The following CNTN4 variants were observed in gnomAD, a reference collection of about 807,000 sequenced individuals.
CNTN4 encodes contactin 4, also known as contactin-4.
Under a neutral mutation model 122.5 loss-of-function variants are expected in CNTN4, and 77 were observed. The observed-to-expected ratio is 0.63, with a 90% CI of 0.52 to 0.76. CNTN4 has a LOEUF of 0.76. CNTN4 is among the 30% of genes least tolerant of loss of function. The pLI is 0.00. For missense variants in CNTN4, 1,256 were observed against 1,259.1 expected (o/e 1.00, Z 0.04); for synonymous variants, 512 against 447.0 (o/e 1.15, Z -1.83).
At chr3:2,502,339 GT>G (rs1489534127) in intron 3 of CNTN4, among the ~76,000 whole-genome samples, 1 of 152,000 alleles carries the variant, frequency 6.6e-6, no homozygotes, top group African/African-American at 2.4e-5. Flanking sequence ...TTAAACCAGG[GT>G]TTTAAAGTTT....
chr3:2,909,378 C>A (rs2094274419), intron 12 of CNTN4, among the ~76,000 whole-genome samples: 1 of 151,780 alleles, frequency 6.6e-6, no homozygotes, highest in Non-Finnish European at 1.5e-5. Flanking sequence ...CACGTGAAAG[C>A]CTTTGCAAAC....
intron 3 of CNTN4, among the ~76,000 whole-genome samples, chr3:2,391,609 A>C (rs543363279): frequency 6.6e-6 from 1 of 152,292 alleles, no homozygotes; most frequent in African/African-American, 2.4e-5. Flanking sequence ...GAAGTATAAT[A>C]AATAAAGGAT....
intron 7 of CNTN4, among the ~76,000 whole-genome samples, chr3:2,854,268 CTTTT>C (rs56147510): frequency 1.4e-4 from 13 of 90,048 alleles, no homozygotes; most frequent in African/African-American, 2.3e-4. Context: ...CTTTCTTCTT[CTTTT>C]TTTTTTTTTT....
At chr3:2,432,256 C>A (rs112685047) in intron 3 of CNTN4, among the ~76,000 whole-genome samples, 1 of 152,162 alleles carries the variant, frequency 6.6e-6, no homozygotes, top group African/African-American at 2.4e-5. Flanking sequence ...CATCACTGTG[C>A]TTATGCATTC....
chr3:3,048,091 C>G (rs1051391136), intron 23 of CNTN4, among the ~76,000 whole-genome samples: 1 of 152,162 alleles, frequency 6.6e-6, no homozygotes, highest in Non-Finnish European at 1.5e-5. Flanking sequence ...ACCTCCTCAA[C>G]TACACCCCAA....
chr3:2,369,068 C>A (rs1030202623), intron 3 of CNTN4, among the ~76,000 whole-genome samples: 2 of 152,118 alleles, frequency 1.3e-5, no homozygotes. Flanking sequence ...GGATTACAGG[C>A]ACCTGCCACC....
At chr3:2,883,402 C>G (rs996090517) in intron 9 of CNTN4, among the ~76,000 whole-genome samples, 155 bp downstream of exon 9, 2 of 152,148 alleles carry the variant, frequency 1.3e-5, no homozygotes, top group Non-Finnish European at 2.9e-5. Flanking sequence ...GGATTCTGCC[C>G]CTCACCATGG....
At chr3:2,176,015 G>A (rs1432376130) in intron 2 of CNTN4, among the ~76,000 whole-genome samples, 1 of 152,070 alleles carries the variant, frequency 6.6e-6, no homozygotes, top group African/African-American at 2.4e-5. Context: ...GTGAAAAAAG[G>A]CCTGACTAGT....
chr3:2,536,682 C>T (rs982451937), intron 3 of CNTN4, among the ~76,000 whole-genome samples: 37 of 151,420 alleles, frequency 2.4e-4, no homozygotes, highest in African/African-American at 8.5e-4. Context: ...CTTTGGCCTC[C>T]CAAAATGGTG....
chr3:2,467,301 T>C (rs1383028296), intron 3 of CNTN4, among the ~76,000 whole-genome samples: 1 of 152,198 alleles, frequency 6.6e-6, no homozygotes, highest in Non-Finnish European at 1.5e-5. Context: ...TAGTCCTTTC[T>C]ATAGTTTGGC....
At chr3:2,403,225 G>C (rs1575559875) in intron 3 of CNTN4, among the ~76,000 whole-genome samples, 1 of 152,132 alleles carries the variant, frequency 6.6e-6, no homozygotes, top group East Asian at 1.9e-4. Context: ...CTCTACTCCA[G>C]TATGACCTCA....
At chr3:2,815,337 A>G (rs114980599) in intron 6 of CNTN4, among the ~76,000 whole-genome samples, 1,579 of 152,326 alleles carry the variant, frequency 0.01, 37 homozygotes, top group African/African-American at 0.036. Context: ...CGTCATCTAT[A>G]CATCTGACAA....
At chr3:2,383,689 A>ATCCTTCCCTTTCTTTCCCTCCCTC (rs1484961681) in intron 3 of CNTN4, among the ~76,000 whole-genome samples, 14 of 112,456 alleles carry the variant, frequency 1.2e-4, no homozygotes, top group African/African-American at 4.7e-4. Flanking sequence ...TCCTCTCCCT[A>ATCCTTCCCTTTCTTTCCCTCCCTC]TCCTTCCCTT....
chr3:2,148,546 AAAG>A lies in CNTN4; in HGVS notation c.-145+47910_-145+47912del, dbSNP rs146674792. On this transcript the variant is annotated intron_variant, in intron 2 of 24. Coordinates refer to ENST00000418658, the MANE Select transcript of CNTN4 (RefSeq NM_175607.3). ...AGCCCCTGTCTCAAAAAAAAAAAGA[AAAG>A]AAAAGAAAAAAATATTAGTAGGTCT... is the stretch of plus-strand genomic sequence containing the variant. 4.1e-3 allele frequency among the ~76,000 whole-genome samples: 629 copies of A among 152,202 alleles called. 7 individuals are homozygous for A. The highest frequency in any genetic ancestry group is 0.014 in the African/African-American group (586 of 41,520).
At chr3:2,838,262 A>G (rs2093274819) in intron 7 of CNTN4, among the ~76,000 whole-genome samples, 1 of 152,226 alleles carries the variant, frequency 6.6e-6, no homozygotes. Context: ...ATTAAAAGAT[A>G]AAACTGGGTA....
intron 2 of CNTN4, among the ~76,000 whole-genome samples, chr3:2,122,731 T>G (rs2033884566): frequency 6.6e-6 from 1 of 152,228 alleles, no homozygotes; most frequent in Non-Finnish European, 1.5e-5. Flanking sequence ...AAAACAAGGT[T>G]GTCATAATGT....
chr3:2,799,865 C>A (rs1241020164), intron 6 of CNTN4, among the ~76,000 whole-genome samples: 1 of 152,040 alleles, frequency 6.6e-6, no homozygotes, highest in Middle Eastern at 3.2e-3. Flanking sequence ...ATCCATTTTT[C>A]CCAGCACCAT....
intron 2 of CNTN4, among the ~76,000 whole-genome samples, chr3:2,107,568 C>A (rs11710167): frequency 0.26 from 38,996 of 151,898 alleles, 5,199 homozygotes; most frequent in East Asian, 0.45. Flanking sequence ...ACCCTTAACA[C>A]TTGGGAATTA....
intron 3 of CNTN4, among the ~76,000 whole-genome samples, chr3:2,410,739 G>A (rs76588056): frequency 6.6e-6 from 1 of 152,114 alleles, no homozygotes; most frequent in African/African-American, 2.4e-5. Context: ...CCTTTACTGA[G>A]ACATCAAAAA....
Sources: allele counts gnomAD v4.1 joint callset (sites outside exome capture counted in the v4.1 genomes callset), GRCh38; gene constraint gnomAD v4.1.1; transcripts MANE v1.5; gene names NCBI Gene and HGNC (gene_info 2026-07-23, HGNC 2026-07-21).